SCNN1D: variants seen among roughly 807,000 people sequenced by gnomAD.
SCNN1D encodes epithelial sodium channel subunit delta.
SCNN1D carries 104 observed loss-of-function variants against 87.8 expected under a neutral mutation model. That is an observed-to-expected ratio of 1.18 (90% confidence interval 1.01 to 1.39). SCNN1D has a LOEUF of 1.39. Ranked by LOEUF, SCNN1D falls within the 40% of genes most tolerant of loss-of-function variation. The pLI is 0.00. For missense variants in SCNN1D, 1,324 were observed against 1,093.9 expected, an observed-to-expected ratio of 1.21 and a Z score of -2.97; for synonymous variants, 628 against 481.2, an observed-to-expected ratio of 1.31 and a Z score of -3.99.
rs1640623475 is a variant in SCNN1D, at chr1:1,287,524, C to T, written c.1327C>T (p.His443Tyr). The change falls in exon 10 of 18, where the codon CAC becomes TAC. Residue 443 changes from histidine (H) to tyrosine (Y), a missense_variant. Transcript: ENST00000379116. ...DCQARQFRTFHHPTYGSCYTV... is the reference protein window; with the variant it reads ...DCQARQFRTFYHPTYGSCYTV... Reference sequence around the variant, plus strand: ...TCATTCCAGACAGTTCCGGACCTTCCACCACCCCACCTACGGCAGCTGCTA... The same window carrying T: ...TCATTCCAGACAGTTCCGGACCTTCTACCACCCCACCTACGGCAGCTGCTA... The T allele has an allele frequency of 1.3e-6, 2 of 1,527,830 alleles. No individual in the cohort carries two copies. Among genetic ancestry groups the T allele is most frequent in the South Asian group, 1.3e-5 (1 of 77,750 alleles). The allele number at this position is 1,527,830 out of a possible 1,614,324, so 94.6% of individuals were successfully genotyped here.
intron 7 of SCNN1D, 108 bp downstream of exon 7, chr1:1,286,386 G>A (rs927714322): frequency 4.4e-6 from 4 of 917,632 alleles, no homozygotes; most frequent in African/African-American, 1.7e-5. Context: ...AGGGGGCTCT[G>A]TGTGGTCAAT....
In SCNN1D at chr1:1,290,940, A is replaced by C; in HGVS notation, c.1963A>C (p.Ser655Arg). The C allele has an allele frequency of 6.2e-7, 1 of 1,609,622 alleles. No homozygotes were observed. Among genetic ancestry groups the C allele is most frequent in the African/African-American group, 1.3e-5 (1 of 74,968 alleles). The change falls in exon 16 of 18, where the codon AGC becomes CGC. Residue 655 changes from serine (S) to arginine (R), a missense_variant. Coordinates refer to ENST00000379116, the MANE Select transcript of SCNN1D (RefSeq NM_001130413.4). ...TLGEQGLPHQSHRQRSSLAKI... is the reference protein window; with the variant it reads ...TLGEQGLPHQRHRQRSSLAKI... ...AGGTGAACAGGGGCTGCCGCATCAG[A>C]GCCACAGACAGAGGTGGGTGCACCC...
intron 1 of SCNN1D, 187 bp from the exon 2 acceptor site, chr1:1,281,039 A>C (rs1381483318): frequency 9.7e-6 from 6 of 618,136 alleles, no homozygotes; most frequent in African/African-American, 1.8e-5. Context: ...ACCCCAGGCC[A>C]CCCCTGGCCT....
At chr1:1,288,694 C>T (rs1161905315) in intron 12 of SCNN1D, among the ~76,000 whole-genome samples, 2 of 28,612 alleles carry the variant, frequency 7.0e-5, no homozygotes, top group Admixed American at 4.0e-4. Flanking sequence ...CGTGTCCCTG[C>T]TCCGTCCCCC....
intron 3 of SCNN1D, chr1:1,282,022 G>A (rs1315204178): frequency 5.9e-5 from 35 of 591,176 alleles, no homozygotes; most frequent in South Asian, 3.1e-4. Context: ...TGCGGCCCAC[G>A]CACAAAGCTG....
chr1:1,280,733 C>G (rs949766016), intron 1 of SCNN1D, 67 bp downstream of exon 1: 1 of 696,412 alleles, frequency 1.4e-6, no homozygotes, highest in African/African-American at 1.7e-5. Context: ...ATGCCCATGG[C>G]TAAGACCAGG....
At position 1,284,076 on chromosome 1, in the gene SCNN1D, G is replaced by T. The variant is rs199854533; in HGVS notation, c.450G>T (p.Gly150=). ...WTGEWKQPHG[G]ALTSRSPGPV... ...GAGAATGGAAGCAGCCACACGGGGG[G>T]GCTCTCACCTCCAGGTACCGTGGGG... The change falls in exon 5 of 18, where the codon GGG becomes GGT. Residue 150 remains glycine, a synonymous_variant. Transcript: ENST00000379116. The T allele has an allele frequency of 2.6e-6, 3 of 1,132,236 alleles. No individual in the cohort carries two copies. Among genetic ancestry groups the T allele is most frequent in the East Asian group, 4.7e-5 (1 of 21,462 alleles). The allele number at this position is 1,132,236 out of a possible 1,614,324, so 70.1% of individuals were successfully genotyped here.
Position 1,291,651 on chromosome 1 carries a change from T to C in SCNN1D, c.*41T>C. On this transcript the variant is annotated 3_prime_UTR_variant, in exon 18 of 18. Transcript: ENST00000379116. ...GCTGTGCGATCTCTTGGCCTGGTCCTTGCAGCTGTGGCAGCAGCAGGCTCC... is the reference window on the plus strand; with the variant it reads ...GCTGTGCGATCTCTTGGCCTGGTCCCTGCAGCTGTGGCAGCAGCAGGCTCC... The C allele has an allele frequency of 2.1e-6, 3 of 1,425,044 alleles. No homozygotes were observed. The South Asian group carries it at 4.3e-5, about 21-fold the overall frequency. 88.3% of individuals were successfully genotyped at this position (1,425,044 alleles called of 1,614,324 possible). A position where few individuals can be genotyped will look rare whatever the true frequency, so the allele number is the denominator to read the frequency against.
Position 1,291,813 on chromosome 1 carries a change from C to G in SCNN1D, c.*203C>G. ...GGGTGGGTCTCAAGGAGGCCCGGGG[C>G]GGAGGGGGGTTCCCGCGTGCACACG... On this transcript the variant is annotated 3_prime_UTR_variant, in exon 18 of 18. Coordinates refer to ENST00000379116, the MANE Select transcript of SCNN1D (RefSeq NM_001130413.4). 8 of 456,408 alleles carry G rather than the reference C, an allele frequency of 1.8e-5. No individual in the cohort carries two copies. The highest frequency in any genetic ancestry group is 8.4e-5 in the African/African-American group (4 of 47,362). The allele number at this position is 456,408 out of a possible 1,614,324, so 28.3% of individuals were successfully genotyped here.
Position 1,286,989 on chromosome 1 carries a change from C to T in SCNN1D, c.1119+14C>T. ...GGGTTCAGACTGGTGAGTGTCCCAG[C>T]CGGGGCCTGCAGCCATCAGGGCCTT... On this transcript the variant is annotated intron_variant, in intron 8 of 17. Transcript: ENST00000379116. 6.2e-7 allele frequency: 1 copy of T among 1,607,560 alleles called. No individual in the cohort carries two copies. Among genetic ancestry groups the T allele is most frequent in the Non-Finnish European group, 8.5e-7 (1 of 1,176,574 alleles).
Position 1,284,030 on chromosome 1 carries a change from T to A in SCNN1D, c.404T>A (p.Leu135Gln). The A allele has an allele frequency of 7.2e-7, 1 of 1,397,594 alleles. No homozygotes were observed. The highest frequency in any genetic ancestry group is 9.2e-7 in the Non-Finnish European group (1 of 1,081,772). 86.6% of individuals were successfully genotyped at this position (1,397,594 alleles called of 1,614,324 possible). A position where few individuals can be genotyped will look rare whatever the true frequency, so the allele number is the denominator to read the frequency against. The stretch of plus-strand genomic sequence containing the variant: ...AGCTGCCAGCTGCCCCCGCAATGGC[T>A]GAGCACCGAAGCATGGACGGGAGAA... Reference protein sequence around the residue: ...LQSCQLPPQWLSTEAWTGEWK... With the variant: ...LQSCQLPPQWQSTEAWTGEWK... Residue 135 changes from leucine (L) to glutamine (Q), a missense_variant, in exon 5 of 18, where the codon CTG becomes CAG. Physicochemically the swap from Leu to Gln is moderately radical, Grantham distance 113 (BLOSUM62 -2). Coordinates refer to ENST00000379116, the MANE Select transcript of SCNN1D (RefSeq NM_001130413.4).
intron 12 of SCNN1D, 48 bp from the exon 13 acceptor site, chr1:1,290,223 C>T (rs758150619): frequency 3.6e-6 from 5 of 1,386,128 alleles, no homozygotes; most frequent in Non-Finnish European, 4.9e-6. Context: ...CCCCGTCCCC[C>T]ATGTCTCCGC....
intron 3 of SCNN1D, 24 bp downstream of exon 3, chr1:1,281,634 G>A: frequency 6.5e-7 from 1 of 1,528,858 alleles, no homozygotes; most frequent in Non-Finnish European, 8.7e-7. Context: ...AGCCCTTAGA[G>A]GCCTTGCCCG....
At position 1,287,311 on chromosome 1, in the gene SCNN1D, G is replaced by C. The variant is rs775936078; in HGVS notation, c.1310+12G>C. On this transcript the variant is annotated intron_variant, in intron 9 of 17. Transcript: ENST00000379116. ...GACTGCCAGGCCCGGTGAGTGTGGC[G>C]GGCGGGGGCCACTCCTTCCGTCCCA... 8.9e-6 allele frequency: 14 copies of C among 1,566,250 alleles called. No individual in the cohort carries two copies. Among genetic ancestry groups the C allele is most frequent in the South Asian group, 1.2e-5 (1 of 85,766 alleles).
intron 12 of SCNN1D, 94 bp downstream of exon 12, chr1:1,288,131 A>C: frequency 1.1e-6 from 1 of 920,506 alleles, no homozygotes; most frequent in Non-Finnish European, 1.6e-6. Context: ...CTGGGAGAGT[A>C]CTAGAGGGCC....
In SCNN1D at chr1:1,287,500, C is replaced by T. The variant is rs1297614920; in HGVS notation, c.1311-8C>T. On this transcript the variant is annotated splice_polypyrimidine_tract_variant and splice_region_variant and intron_variant, in intron 9 of 17. Transcript: ENST00000379116. ...CATTCAAGGTCTGAGCTTGGCTTCT[C>T]ATTCCAGACAGTTCCGGACCTTCCA... 3 of 1,518,300 alleles carry T rather than the reference C, an allele frequency of 2.0e-6. No homozygotes were observed. Among genetic ancestry groups the T allele is most frequent in the Non-Finnish European group, 2.6e-6 (3 of 1,132,134 alleles). The allele number at this position is 1,518,300 out of a possible 1,614,324, so 94.1% of individuals were successfully genotyped here.
At chr1:1,290,173 CCT>C in intron 12 of SCNN1D, 96 bp from the exon 13 acceptor site, 2 of 268,876 alleles carry the variant, frequency 7.4e-6, no homozygotes, top group Non-Finnish European at 1.0e-5. Context: ...GTCCCGTGTC[CCT>C]GCTCCGTCCC....
chr1:1,280,673 C>G lies in SCNN1D; in HGVS notation c.5+7C>G. Reference sequence around the variant, plus strand: ...AGCAGGGAGGAGGCATGAGGTGCGTCCGACTCCCTTCCCATCACAGCTGAG... The same window carrying G: ...AGCAGGGAGGAGGCATGAGGTGCGTGCGACTCCCTTCCCATCACAGCTGAG... On this transcript the variant is annotated splice_region_variant and intron_variant, in intron 1 of 17. Coordinates refer to ENST00000379116, the MANE Select transcript of SCNN1D (RefSeq NM_001130413.4). The G allele has an allele frequency of 1.4e-6, 1 of 701,736 alleles. No homozygotes were observed. The highest frequency in any genetic ancestry group is 2.6e-6 in the Non-Finnish European group (1 of 384,498). The allele number at this position is 701,736 out of a possible 1,614,324, so 43.5% of individuals were successfully genotyped here. A position where few individuals can be genotyped will look rare whatever the true frequency, so the allele number is the denominator to read the frequency against.
intron 7 of SCNN1D, among the ~76,000 whole-genome samples, 161 bp from the exon 8 acceptor site, chr1:1,286,602 GACCTC>G (rs1235254739): frequency 1.2e-4 from 18 of 152,076 alleles, no homozygotes; most frequent in African/African-American, 4.3e-4. Flanking sequence ...CTCCGGGGCC[GACCTC>G]ACCGGCAGCC....
Sources: gnomAD v4.1 joint callset for allele counts (sites outside exome capture counted in the v4.1 genomes callset) on GRCh38, gnomAD v4.1.1 for gene constraint, MANE v1.5 for transcripts, NCBI Gene and HGNC (gene_info 2026-07-23, HGNC 2026-07-21) for gene names.